ESRRB: variants seen among roughly 807,000 people sequenced by gnomAD.
The protein encoded by ESRRB is estrogen related receptor beta, also known as steroid hormone receptor ERR2.
ESRRB carries 16 observed loss-of-function variants against 46.0 expected under a neutral mutation model. That is an observed-to-expected ratio of 0.35 (90% CI 0.24 to 0.53). The LOEUF is 0.53. Ranked by LOEUF, ESRRB falls within the 20% of genes least tolerant of loss-of-function variation. ESRRB has a pLI of 0.93. For missense variants in ESRRB, 488 were observed against 607.4 expected, an observed-to-expected ratio of 0.80 and a Z score of 2.07; for synonymous variants, 246 against 259.6, an observed-to-expected ratio of 0.95 and a Z score of 0.50.
At chr14:76,382,742 C>G (rs1043859583) in intron 1 of ESRRB, among the ~76,000 whole-genome samples, 4 of 152,162 alleles carry the variant, frequency 2.6e-5, no homozygotes, top group Non-Finnish European at 5.9e-5. Flanking sequence ...TTGTATAAAT[C>G]TAAAACAAAA....
intron 5 of ESRRB, among the ~76,000 whole-genome samples, chr14:76,483,761 A>G (rs969839980): frequency 2.0e-5 from 3 of 152,084 alleles, no homozygotes; most frequent in African/African-American, 7.2e-5. Flanking sequence ...CTGTCTGTAG[A>G]TCCGTTTTTG....
At chr14:76,416,038 A>G (rs2139874989) in intron 1 of ESRRB, among the ~76,000 whole-genome samples, 1 of 152,260 alleles carries the variant, frequency 6.6e-6, no homozygotes, top group East Asian at 1.9e-4. Flanking sequence ...ATAATCAGCT[A>G]ATTTCCCAAA....
intron 1 of ESRRB, among the ~76,000 whole-genome samples, chr14:76,384,590 T>G (rs771114026): frequency 6.6e-6 from 1 of 152,066 alleles, no homozygotes; most frequent in Non-Finnish European, 1.5e-5. Flanking sequence ...TGAACGAAGA[T>G]GGGAGAAGTG....
intron 2 of ESRRB, among the ~76,000 whole-genome samples, chr14:76,450,294 T>C (rs576839513): frequency 3.1e-4 from 47 of 152,144 alleles, no homozygotes; most frequent in Middle Eastern, 3.4e-3. Flanking sequence ...AGGGCCAACA[T>C]GGCTAGTGTC....
Position 76,393,056 on chromosome 14 carries a change from G to A in ESRRB, c.50+16605G>A, listed in dbSNP as rs117155478. 7.0e-3 allele frequency among the ~76,000 whole-genome samples: 1,064 copies of A among 152,344 alleles called. 9 individuals are homozygous for A. The highest frequency in any genetic ancestry group is 0.014 in the Middle Eastern group (4 of 294). ...CTGTGCAAAGCCTTTGGGGCATAGC[G>A]GATCTGGGGCATAGCAGAGAAGGAG... is the stretch of plus-strand genomic sequence containing the variant. On this transcript the variant is annotated intron_variant, in intron 1 of 6. Coordinates refer to ENST00000644823, the MANE Select transcript of ESRRB (RefSeq NM_001379180.1).
chr14:76,332,929 T>A lies in ESRRB; in HGVS notation c.2+22013T>A, dbSNP rs866977906. Among the ~76,000 whole-genome samples, 137 of 50,528 alleles carry A rather than the reference T, an allele frequency of 2.7e-3. 1 individual carries two copies. The highest frequency in any genetic ancestry group is 0.011 in the African/African-American group (131 of 11,846). 33.1% of individuals were successfully genotyped at this position (50,528 alleles called of 152,430 possible). On this transcript the variant is annotated intron_variant, in intron 1 of 6. Transcript: ENST00000512784. ...TACTTATATATTATATATATTTATA[T>A]ATTATATACTTATATATTATATATT...
intron 1 of ESRRB, among the ~76,000 whole-genome samples, chr14:76,353,132 C>A (rs768059645): frequency 9.9e-5 from 15 of 152,216 alleles, no homozygotes; most frequent in Non-Finnish European, 1.6e-4. Context: ...CTCTCACGAG[C>A]GTGCCATTGT....
intron 2 of ESRRB, among the ~76,000 whole-genome samples, chr14:76,449,642 A>ATTGATT (rs1888298833): frequency 2.0e-5 from 3 of 152,024 alleles, no homozygotes; most frequent in Admixed American, 6.6e-5. Flanking sequence ...TCTTAGGACC[A>ATTGATT]TGTGTCTTCC....
intron 1 of ESRRB, among the ~76,000 whole-genome samples, chr14:76,320,231 G>A (rs1039492968): frequency 8.5e-5 from 13 of 152,188 alleles, no homozygotes; most frequent in East Asian, 1.9e-4. Flanking sequence ...TACTGATGCC[G>A]TAGGACACTA....
At chr14:76,490,797 G>A (rs563768097) in intron 5 of ESRRB, among the ~76,000 whole-genome samples, 3 of 152,316 alleles carry the variant, frequency 2.0e-5, no homozygotes, top group East Asian at 1.9e-4. Context: ...GTTATGGCCC[G>A]GGAAGAGGGG....
chr14:76,499,450 C>G lies in ESRRB; in HGVS notation c.*992C>G, dbSNP rs905981673. ...GGCCCAGACTCATCTTTGCCAAGCA[C>G]AGAAAGGCCGAGCAGCTGAGATAAG... On this transcript the variant is annotated 3_prime_UTR_variant, in exon 7 of 7. Coordinates refer to ENST00000644823, the MANE Select transcript of ESRRB (RefSeq NM_001379180.1). 2 of 340,010 alleles carry G rather than the reference C, an allele frequency of 5.9e-6. No homozygotes were observed. Among genetic ancestry groups the G allele is most frequent in the Non-Finnish European group, 1.1e-5 (2 of 174,998 alleles). 21.1% of individuals were successfully genotyped at this position (340,010 alleles called of 1,614,324 possible).
At chr14:76,408,844 AG>A (rs1209820974) in intron 1 of ESRRB, among the ~76,000 whole-genome samples, 1 of 152,234 alleles carries the variant, frequency 6.6e-6, no homozygotes, top group African/African-American at 2.4e-5. Flanking sequence ...CATGTGGAGA[AG>A]TAAGAGCTCA....
chr14:76,482,704 T>C lies in ESRRB; in HGVS notation c.795T>C (p.Cys265=), dbSNP rs755222989. The part of the protein sequence containing the change: ...EGDIKALTTL[C]DLADRELVVI... Reference sequence around the variant, plus strand: ...ACATCAAGGCCCTGACCACTCTCTGTGACCTGGCAGACCGAGAGCTTGTGG... The same window carrying C: ...ACATCAAGGCCCTGACCACTCTCTGCGACCTGGCAGACCGAGAGCTTGTGG... Residue 265 remains cysteine (C), a synonymous_variant, in exon 5 of 7, where the codon TGT becomes TGC. Coordinates refer to ENST00000644823, the MANE Select transcript of ESRRB (RefSeq NM_001379180.1). This position sits in a 1 kb window ranked among gnomAD's most constrained non-coding sequence, Gnocchi z 4.3. 34 of 1,614,084 alleles carry C rather than the reference T, an allele frequency of 2.1e-5. No individual in the cohort carries two copies. Among genetic ancestry groups the C allele is most frequent in the Non-Finnish European group, 2.6e-5 (31 of 1,180,036 alleles).
At chr14:76,431,383 G>A (rs975950288) in intron 1 of ESRRB, among the ~76,000 whole-genome samples, 1 of 152,176 alleles carries the variant, frequency 6.6e-6, no homozygotes, top group African/African-American at 2.4e-5. Context: ...AGGCAAAATA[G>A]TTCAGCAATT....
chr14:76,491,622 C>T lies in ESRRB; in HGVS notation c.1026C>T (p.Tyr342=). The change falls in exon 6 of 7, where the codon TAC becomes TAT. Residue 342 remains tyrosine, a synonymous_variant. Coordinates refer to ENST00000644823, the MANE Select transcript of ESRRB (RefSeq NM_001379180.1). ...HSRLAGLLEL[Y]RAILQLVRRY... is the part of the protein sequence containing the mutation. ...GCCTCGCGGGGCTGCTGGAGCTCTA[C>T]CGGGCCATCCTGCAGCTGGTACGCA... is the stretch of plus-strand genomic sequence containing the variant. The T allele has an allele frequency of 2.5e-6, 4 of 1,584,172 alleles. No homozygotes were observed. Among genetic ancestry groups the T allele is most frequent in the Non-Finnish European group, 3.4e-6 (4 of 1,166,220 alleles).
chr14:76,345,540 A>C (rs563059128), intron 1 of ESRRB, among the ~76,000 whole-genome samples: 1 of 152,246 alleles, frequency 6.6e-6, no homozygotes, highest in Non-Finnish European at 1.5e-5. Context: ...AAATCAAAAA[A>C]CAGTAGATGT....
intron 1 of ESRRB, among the ~76,000 whole-genome samples, chr14:76,436,223 G>C (rs1232730236): frequency 1.3e-5 from 2 of 152,208 alleles, no homozygotes; most frequent in Non-Finnish European, 2.9e-5. Flanking sequence ...GCCATGAGAC[G>C]GGTGCAGGGA....
At chr14:76,471,511 C>T (rs1889372451) in intron 3 of ESRRB, among the ~76,000 whole-genome samples, 1 of 152,158 alleles carries the variant, frequency 6.6e-6, no homozygotes, top group Non-Finnish European at 1.5e-5. Flanking sequence ...CTGTTCACTC[C>T]TACCCACTCT....
intron 2 of ESRRB, among the ~76,000 whole-genome samples, chr14:76,452,620 C>CA (rs766430065): frequency 0.24 from 9,264 of 38,352 alleles, 1,052 homozygotes; most frequent in African/African-American, 0.5. Flanking sequence ...ACTCTGTCTC[C>CA]AAAAAAAAAA....
Sources: allele counts gnomAD v4.1 joint callset (sites outside exome capture counted in the v4.1 genomes callset), GRCh38; gene constraint gnomAD v4.1.1; non-coding constraint Gnocchi (gnomAD v3.1); transcripts MANE v1.5; gene names NCBI Gene and HGNC (gene_info 2026-07-23, HGNC 2026-07-21).